The following WDFY3 variants were observed in gnomAD, a reference collection of about 807,000 sequenced individuals.
WDFY3 encodes the protein WD repeat and FYVE domain-containing protein 3.
A neutral mutation model predicts 409.6 loss-of-function variants in WDFY3; 66 were observed. The observed-to-expected ratio is 0.16, with a 90% CI of 0.13 to 0.20. The LOEUF (loss-of-function observed/expected upper bound fraction) is 0.20, where lower values mean the gene tolerates loss of function less well. Among genes scored for constraint, WDFY3 ranks in the 10% least tolerant of loss-of-function variants. The probability of loss-of-function intolerance (pLI) is 1.00; values close to 1 mark genes in which losing one functional copy is unlikely to be tolerated. For synonymous variants in WDFY3, 1,521 were observed against 1,537.1 expected (o/e 0.99, Z 0.25); for missense variants, 3,031 against 4,298.1 (o/e 0.71, Z 8.24).
Position 84,810,099 on chromosome 4 carries a change from C to T in WDFY3, c.2133G>A (p.Gln711=). The change falls in exon 14 of 68, where the codon CAG becomes CAA. Residue 711 remains glutamine (Q), a synonymous_variant. Transcript: ENST00000295888. The part of the protein sequence containing the change: ...ANSHFFKTEI[Q]YEKLADAVRF... ...GAACAGCATCTGCCAACTTCTCATA[C>T]TGAATCTCTGTTTTGAAGAAATGAG... 1 of 1,614,144 alleles carries T rather than the reference C, an allele frequency of 6.2e-7. No homozygotes were observed. Among genetic ancestry groups the T allele is most frequent in the Non-Finnish European group, 8.5e-7 (1 of 1,179,998 alleles).
At chr4:84,950,562 C>T (rs539446856) in intron 1 of WDFY3, among the ~76,000 whole-genome samples, 5 of 152,162 alleles carry the variant, frequency 3.3e-5, no homozygotes, top group South Asian at 4.1e-4. Context: ...GAGGCCAAGG[C>T]GGGTGGATCA....
At position 84,892,023 on chromosome 4, in the gene WDFY3, A is replaced by AT. The variant is rs200646761; in HGVS notation, c.-32+4887dup. Among the ~76,000 whole-genome samples the AT allele has an allele frequency of 7.7e-3, 1,046 of 135,828 alleles. 1 individual carries two copies. Among genetic ancestry groups the AT allele is most frequent in the South Asian group, 0.027 (117 of 4,294 alleles). 89.1% of individuals were successfully genotyped at this position (135,828 alleles called of 152,430 possible). On this transcript the variant is annotated intron_variant, in intron 3 of 67. Transcript: ENST00000295888. The stretch of plus-strand genomic sequence containing the variant: ...AGGTAATTTAGAAAAATGGCCTTCA[A>AT]TTTTTTTTTTTTTTTTTTGCATGCA...
intron 32 of WDFY3, among the ~76,000 whole-genome samples, chr4:84,764,133 C>A (rs961137262): frequency 6.6e-6 from 1 of 152,066 alleles, no homozygotes; most frequent in Non-Finnish European, 1.5e-5. Context: ...TTTTGCAAAC[C>A]ACAATGTACT....
chr4:84,950,365 T>C (rs747652719), intron 1 of WDFY3, among the ~76,000 whole-genome samples: 1 of 151,590 alleles, frequency 6.6e-6, no homozygotes, highest in Non-Finnish European at 1.5e-5. Flanking sequence ...TGTATACCTA[T>C]GTAACAAACC....
chr4:84,930,372 A>G (rs1025732015), intron 2 of WDFY3, among the ~76,000 whole-genome samples: 1 of 152,160 alleles, frequency 6.6e-6, no homozygotes, highest in Non-Finnish European at 1.5e-5. Flanking sequence ...CATTTCAGAA[A>G]TTGATGATGA....
chr4:84,794,502 C>T lies in WDFY3; in HGVS notation c.3487+17G>A, dbSNP rs1225929206. On this transcript the variant is annotated intron_variant, in intron 21 of 67. Coordinates refer to ENST00000295888, the MANE Select transcript of WDFY3 (RefSeq NM_014991.6). Reference sequence around the variant, plus strand: ...TACTTCTATAATCAAAAGAAGAAAACAAAAAAAAATACTGACCATAATTTT... The same window carrying T: ...TACTTCTATAATCAAAAGAAGAAAATAAAAAAAAATACTGACCATAATTTT... The T allele has an allele frequency of 7.0e-6, 11 of 1,563,666 alleles. No homozygotes were observed. Among genetic ancestry groups the T allele is most frequent in the Non-Finnish European group, 9.6e-6 (11 of 1,149,458 alleles).
chr4:84,760,783 G>C (rs1188174962), intron 32 of WDFY3, among the ~76,000 whole-genome samples: 5 of 145,690 alleles, frequency 3.4e-5, no homozygotes, highest in African/African-American at 1.3e-4. Flanking sequence ...TTTTTTGAAG[G>C]GTTTTTTGTG....
chr4:84,740,441 T>C (rs746379540), intron 38 of WDFY3, 25 bp from the exon 39 acceptor site: 1 of 1,611,274 alleles, frequency 6.2e-7, no homozygotes, highest in Non-Finnish European at 8.5e-7. Flanking sequence ...GGTATGTTTT[T>C]AGTATAATAG....
At chr4:84,833,688 A>AGAGAAGAGAAGAGAAGAG (rs1756112672) in intron 7 of WDFY3, among the ~76,000 whole-genome samples, 2 of 149,498 alleles carry the variant, frequency 1.3e-5, no homozygotes, top group Admixed American at 6.7e-5. Flanking sequence ...AAAGAAAAGA[A>AGAGAAGAGAAGAGAAGAG]AAGAGAAGAG....
chr4:84,903,531 G>A (rs1217503546), intron 2 of WDFY3, among the ~76,000 whole-genome samples: 2 of 152,016 alleles, frequency 1.3e-5, no homozygotes, highest in African/African-American at 4.8e-5. Flanking sequence ...TGTAACCCAG[G>A]CTGGTCTCAA....
At chr4:84,709,921 T>C (rs913965402) in intron 51 of WDFY3, among the ~76,000 whole-genome samples, 7 of 152,164 alleles carry the variant, frequency 4.6e-5, no homozygotes, top group African/African-American at 1.7e-4. Context: ...GAGGCATGGT[T>C]TACCATGTTG....
At chr4:84,825,393 G>C (rs1207977991) in intron 10 of WDFY3, among the ~76,000 whole-genome samples, 1 of 150,652 alleles carries the variant, frequency 6.6e-6, no homozygotes, top group Non-Finnish European at 1.5e-5. Context: ...GAGAAAGGGG[G>C]TCTTGCTCTG....
intron 36 of WDFY3, among the ~76,000 whole-genome samples, chr4:84,748,313 G>A (rs1049470279): frequency 6.6e-6 from 1 of 152,136 alleles, no homozygotes; most frequent in Non-Finnish European, 1.5e-5. Flanking sequence ...CTCAGAGAGA[G>A]GTTCACTTTT....
intron 22 of WDFY3, among the ~76,000 whole-genome samples, chr4:84,789,041 A>G (rs2149533553): frequency 6.6e-6 from 1 of 152,202 alleles, no homozygotes. Flanking sequence ...AACAATAAAA[A>G]TAAAATAAAA....
intron 2 of WDFY3, among the ~76,000 whole-genome samples, chr4:84,928,917 T>A (rs1278235296): frequency 3.9e-5 from 6 of 152,194 alleles, no homozygotes; most frequent in Non-Finnish European, 8.8e-5. Context: ...GCCTCAAAAG[T>A]GGCTCCCAAT....
At chr4:84,873,160 A>G (rs1762353128) in intron 3 of WDFY3, among the ~76,000 whole-genome samples, 1 of 152,214 alleles carries the variant, frequency 6.6e-6, no homozygotes, top group African/African-American at 2.4e-5. Context: ...CCTGAACAGC[A>G]CTGTCATTAA....
chr4:84,842,091 A>G (rs1257364153), intron 5 of WDFY3, among the ~76,000 whole-genome samples: 1 of 152,200 alleles, frequency 6.6e-6, no homozygotes, highest in African/African-American at 2.4e-5. Flanking sequence ...AGAAGAGTAA[A>G]TGGAGAAGTC....
rs756969468 is a variant in WDFY3 at position 84,716,927 on chromosome 4, T to C, written c.7844A>G (p.Lys2615Arg). Residue 2615 changes from lysine to arginine, a missense_variant, in exon 49 of 68, where the codon AAG becomes AGG. By Grantham distance (26) the Lys-to-Arg change is conservative. This residue lies in a region of WDFY3 where 45 missense variants were observed against 121.8 expected (regional missense o/e 0.37). Transcript: ENST00000295888. ...GAGATATCTCCTTTTATGAACTTCCTTGATATCTTCATATGCAAAAATGCT... is the reference window on the plus strand; with the variant it reads ...GAGATATCTCCTTTTATGAACTTCCCTGATATCTTCATATGCAAAAATGCT... ...TCSIFAYEDIKEVHKRRYLLQ... is the reference protein window; with the variant it reads ...TCSIFAYEDIREVHKRRYLLQ... 3 of 1,605,284 alleles carry C rather than the reference T, an allele frequency of 1.9e-6. No individual in the cohort carries two copies. The highest frequency in any genetic ancestry group is 2.6e-6 in the Non-Finnish European group (3 of 1,175,384).
chr4:84,682,461 T>G lies in WDFY3; in HGVS notation c.9736A>C (p.Met3246Leu), dbSNP rs1053321650. The G allele has an allele frequency of 6.2e-7, 1 of 1,613,314 alleles. No homozygotes were observed. The highest frequency in any genetic ancestry group is 1.8e-4 in the Middle Eastern group (1 of 5,660). ...GTTTCAGGAACTTGCAAAAATTCCATTCTCCAAAACTAAATTTAAATAAGT... is the reference window on the plus strand; with the variant it reads ...GTTTCAGGAACTTGCAAAAATTCCAGTCTCCAAAACTAAATTTAAATAAGT... ...HSDGVVRFWR[M>L]EFLQVPETPA... Residue 3246 changes from methionine (M) to leucine (L), a missense_variant, in exon 64 of 68, where the codon ATG (methionine) becomes CTG (leucine). By Grantham distance (15) the Met-to-Leu change is conservative. Coordinates refer to ENST00000295888, the MANE Select transcript of WDFY3 (RefSeq NM_014991.6).
Sources: allele counts gnomAD v4.1 joint callset (sites outside exome capture counted in the v4.1 genomes callset), GRCh38; gene constraint gnomAD v4.1.1; regional missense constraint gnomAD v4.1.1; transcripts MANE v1.5; gene names NCBI Gene and HGNC (gene_info 2026-07-23, HGNC 2026-07-21).